The following ROBO1 variants were observed in gnomAD, a reference collection of about 807,000 sequenced individuals.
The protein encoded by ROBO1 is roundabout guidance receptor 1.
ROBO1 carries 149 observed loss-of-function variants against 195.9 expected under a neutral mutation model. That is an observed-to-expected ratio of 0.76 (90% CI 0.67 to 0.87). The LOEUF is 0.87. ROBO1 is among the 40% of genes least tolerant of loss of function. The pLI is 0.00. For missense variants in ROBO1, 1,933 were observed against 2,068.3 expected, an observed-to-expected ratio of 0.93 and a Z score of 1.27; for synonymous variants, 816 against 733.2, an observed-to-expected ratio of 1.11 and a Z score of -1.82.
intron 1 of ROBO1, among the ~76,000 whole-genome samples, chr3:79,715,394 C>T (rs1312250433): frequency 6.6e-6 from 1 of 152,122 alleles, no homozygotes; most frequent in Non-Finnish European, 1.5e-5. Context: ...AACCATCACC[C>T]TGATCAATCA....
chr3:78,688,505 TA>T (rs944747487), intron 9 of ROBO1, 142 bp downstream of exon 9: 108 of 844,382 alleles, frequency 1.3e-4, no homozygotes, highest in Non-Finnish European at 1.6e-4. Context: ...TTCTCATTGC[TA>T]AAATGTTCTG....
intron 2 of ROBO1, among the ~76,000 whole-genome samples, chr3:79,553,745 TA>T (rs1382444296): frequency 6.6e-6 from 1 of 152,124 alleles, no homozygotes; most frequent in Non-Finnish European, 1.5e-5. Context: ...GAAATACTGA[TA>T]ATTGCTCTTT....
chr3:79,760,845 T>C (rs1417905863), intron 1 of ROBO1, among the ~76,000 whole-genome samples: 2 of 103,314 alleles, frequency 1.9e-5, no homozygotes, highest in Non-Finnish European at 2.1e-5. Context: ...TACTACAGGG[T>C]ACTGTTATGG....
intron 2 of ROBO1, among the ~76,000 whole-genome samples, chr3:79,479,993 T>C (rs1193767022): frequency 6.6e-6 from 1 of 152,196 alleles, no homozygotes; most frequent in Non-Finnish European, 1.5e-5. Context: ...TTTTGACTAC[T>C]TTGACACCAA....
chr3:79,336,291 GC>G (rs969783879), intron 2 of ROBO1, among the ~76,000 whole-genome samples: 4 of 152,286 alleles, frequency 2.6e-5, no homozygotes, highest in Middle Eastern at 3.4e-3. Context: ...CCCATCACAG[GC>G]CTGGAAGCCT....
intron 4 of ROBO1, among the ~76,000 whole-genome samples, chr3:78,925,333 T>C (rs1036045890): frequency 6.6e-6 from 1 of 152,230 alleles, no homozygotes; most frequent in African/African-American, 2.4e-5. Context: ...TCAGAATATG[T>C]ATTAAATAAT....
chr3:78,668,285 G>A lies in ROBO1; in HGVS notation c.1648C>T (p.Gln550Ter), dbSNP rs1575882948. The A allele has an allele frequency of 6.2e-7, 1 of 1,612,930 alleles. No individual in the cohort carries two copies. Among genetic ancestry groups the A allele is most frequent in the Non-Finnish European group, 8.5e-7 (1 of 1,179,556 alleles). The change falls in exon 13 of 31, where the codon CAG becomes TAG. Residue 550 changes from glutamine (Q) to a stop codon, truncating the protein, a stop_gained. Coordinates refer to ENST00000464233, the MANE Select transcript of ROBO1 (RefSeq NM_002941.4). LOFTEE classifies it high-confidence loss of function. ...IEVQEFGVPV[Q>*]PPRPTDPNLI... is the part of the protein sequence containing the mutation. ...TTTGGGTCAGTAGGTCTTGGAGGCT[G>A]AACTGGAACTCCAAATTCTAAAAAG...
intron 2 of ROBO1, among the ~76,000 whole-genome samples, chr3:79,196,274 CT>C (rs555402658): frequency 0.1 from 11,384 of 111,484 alleles, 539 homozygotes; most frequent in East Asian, 0.27. Flanking sequence ...AGAAGAGTTT[CT>C]TTTTTTTTTT....
At chr3:79,051,697 C>T (rs991238959) in intron 3 of ROBO1, among the ~76,000 whole-genome samples, 10 of 152,070 alleles carry the variant, frequency 6.6e-5, no homozygotes, top group Non-Finnish European at 1.0e-4. Context: ...AATGGAGGGA[C>T]CAGCTGAAGC....
chr3:79,498,388 C>A (rs1444161913), intron 2 of ROBO1, among the ~76,000 whole-genome samples: 1 of 152,116 alleles, frequency 6.6e-6, no homozygotes, highest in Non-Finnish European at 1.5e-5. Flanking sequence ...ATAAATTCAA[C>A]AGTTTGCATC....
intron 2 of ROBO1, among the ~76,000 whole-genome samples, chr3:79,290,909 C>T (rs1206053709): frequency 6.6e-6 from 1 of 152,142 alleles, no homozygotes; most frequent in Non-Finnish European, 1.5e-5. Context: ...TATCAGAAGA[C>T]ATTGAACTAT....
chr3:79,346,007 T>G (rs2035100200), intron 2 of ROBO1, among the ~76,000 whole-genome samples: 2 of 152,164 alleles, frequency 1.3e-5, no homozygotes, highest in South Asian at 4.1e-4. Flanking sequence ...TTTCTGAGAG[T>G]CTATGGAGGA....
chr3:78,782,959 G>A lies in ROBO1; in HGVS notation c.500-36059C>T, dbSNP rs550501707. Among the ~76,000 whole-genome samples the A allele has an allele frequency of 4.6e-5, 7 of 152,262 alleles. No individual in the cohort carries two copies. The East Asian group carries it at 1.3e-3, about 29-fold the overall frequency. On this transcript the variant is annotated intron_variant, in intron 4 of 30. Transcript: ENST00000464233. Reference sequence around the variant, plus strand: ...TTCAGGTTTTCCATAAATAGTTATTGATTTCTATGTGCTGGGCAATCATAT... The same window carrying A: ...TTCAGGTTTTCCATAAATAGTTATTAATTTCTATGTGCTGGGCAATCATAT...
intron 2 of ROBO1, among the ~76,000 whole-genome samples, chr3:79,484,264 C>A (rs1939028176): frequency 6.6e-6 from 1 of 152,122 alleles, no homozygotes; most frequent in Non-Finnish European, 1.5e-5. Flanking sequence ...CTGCTCTCTG[C>A]TTGATAAAAG....
At chr3:78,905,420 T>C (rs780649490) in intron 4 of ROBO1, among the ~76,000 whole-genome samples, 2 of 152,040 alleles carry the variant, frequency 1.3e-5, no homozygotes, top group Non-Finnish European at 2.9e-5. Flanking sequence ...GGAGGATCAC[T>C]TGAGCTCAGG....
At chr3:79,076,792 C>T (rs140960108) in intron 3 of ROBO1, among the ~76,000 whole-genome samples, 1 of 151,818 alleles carries the variant, frequency 6.6e-6, no homozygotes, top group African/African-American at 2.4e-5. Context: ...GTCTGAGGGA[C>T]AAGCAGAGGT....
chr3:79,637,757 A>G (rs963371107), intron 1 of ROBO1, among the ~76,000 whole-genome samples: 2 of 151,962 alleles, frequency 1.3e-5, no homozygotes, highest in African/African-American at 4.8e-5. Flanking sequence ...CTTTAGAAAG[A>G]CTCCCTTTGT....
At chr3:79,355,827 T>C (rs2035529256) in intron 2 of ROBO1, among the ~76,000 whole-genome samples, 1 of 152,186 alleles carries the variant, frequency 6.6e-6, no homozygotes, top group Non-Finnish European at 1.5e-5. Flanking sequence ...GACATTTAGG[T>C]TGATTCTGTA....
intron 2 of ROBO1, among the ~76,000 whole-genome samples, chr3:79,525,539 G>GATATATATATATATATATAAAT (rs367662211): frequency 7.1e-6 from 1 of 140,914 alleles, no homozygotes; most frequent in African/African-American, 2.6e-5. Flanking sequence ...TTATACTTCA[G>GATATATATATATATATATAAAT]ATATATATAT....
Sources: allele counts gnomAD v4.1 joint callset (sites outside exome capture counted in the v4.1 genomes callset), GRCh38; gene constraint gnomAD v4.1.1; transcripts MANE v1.5; gene names NCBI Gene and HGNC (gene_info 2026-07-23, HGNC 2026-07-21).